Variants in GMPR2 observed in about 807,000 individuals in gnomAD.
GMPR2 encodes the protein GMP reductase 2.
A neutral mutation model predicts 38.5 loss-of-function variants in GMPR2; 32 were observed. The observed-to-expected ratio is 0.83, with a 90% CI of 0.63 to 1.12. The LOEUF is 1.12. GMPR2 is among the 50% of genes most tolerant of loss of function. The probability of loss-of-function intolerance (pLI) is 0.00; values close to 1 mark genes in which losing one functional copy is unlikely to be tolerated. For synonymous variants in GMPR2, 154 were observed against 151.0 expected (o/e 1.02, Z -0.15); for missense variants, 396 against 432.1 (o/e 0.92, Z 0.74).
In GMPR2 at chr14:24,238,723, C is replaced by G. The variant is rs1472849684; in HGVS notation, c.992C>G (p.Thr331Ser). 1.2e-6 allele frequency: 2 copies of G among 1,614,050 alleles called. No individual in the cohort carries two copies. The highest frequency in any genetic ancestry group is 3.3e-5 in the Admixed American group (2 of 60,020). Residue 331 changes from threonine (T) to serine (S), a missense_variant, in exon 10 of 10, where the codon ACT becomes AGT. Transcript: ENST00000399440. ...AAKLKELSRR[T>S]TFIRVTQQVN... is the part of the protein sequence containing the mutation. The stretch of plus-strand genomic sequence containing the variant: ...AAGCTCAAAGAGTTGAGCAGGAGAA[C>G]TACCTTCATCCGAGTCACCCAGCAG...
chr14:24,233,405 G>A, intron 2 of GMPR2, 65 bp downstream of exon 2: 2 of 1,609,458 alleles, frequency 1.2e-6, no homozygotes, highest in Non-Finnish European at 1.7e-6. Context: ...AACCAAGAAA[G>A]ATGCCTGTCC....
In GMPR2 at chr14:24,236,118, G is replaced by A. The variant is rs760497149; in HGVS notation, c.443G>A (p.Arg148His). 28 of 1,613,958 alleles carry A rather than the reference G, an allele frequency of 1.7e-5. No homozygotes were observed. The highest frequency in any genetic ancestry group is 1.7e-4 in the Middle Eastern group (1 of 6,060). ...GAATTTGTAAAAGATGTACGGAAGC[G>A]CTTCCCCCAGCACACCATCATGGTA... ...FVEFVKDVRK[R>H]FPQHTIMAGN... Residue 148 changes from arginine (R) to histidine (H), a missense_variant, in exon 5 of 10, where the codon CGC becomes CAC. Coordinates refer to ENST00000399440, the MANE Select transcript of GMPR2 (RefSeq NM_001002002.3).
rs1252089444 is a variant in GMPR2, at chr14:24,238,865, C to G, written c.*87C>G. The G allele has an allele frequency of 1.0e-5, 11 of 1,071,984 alleles. No individual in the cohort carries two copies. The highest frequency in any genetic ancestry group is 1.6e-5 in the Non-Finnish European group (11 of 709,092). 66.4% of individuals were successfully genotyped at this position (1,071,984 alleles called of 1,614,324 possible). Reference sequence around the variant, plus strand: ...TCCTCACCCATCCCAGCTACTGCAGCTCTGTATTACTTTGTCATTTCCTGT... The same window carrying G: ...TCCTCACCCATCCCAGCTACTGCAGGTCTGTATTACTTTGTCATTTCCTGT... On this transcript the variant is annotated 3_prime_UTR_variant, in exon 10 of 10. Coordinates refer to ENST00000399440, the MANE Select transcript of GMPR2 (RefSeq NM_001002002.3).
Position 24,233,483 on chromosome 14 carries a change from A to G in GMPR2, c.92A>G (p.Asp31Gly), listed in dbSNP as rs751647144. Residue 31 changes from aspartate (D) to glycine (G), a missense_variant, in exon 3 of 10, where the codon GAT (aspartate) becomes GGT (glycine). Transcript: ENST00000399440. Reference protein sequence around the residue: ...RSTLKSRSEVDLTRSFSFRNS... With the variant: ...RSTLKSRSEVGLTRSFSFRNS... ...ATTTCCTGTTCATATCTGCAGGTGG[A>G]TCTCACAAGATCCTTTTCATTTCGG... The G allele has an allele frequency of 6.2e-7, 1 of 1,613,584 alleles. No individual in the cohort carries two copies. Among genetic ancestry groups the G allele is most frequent in the African/African-American group, 1.3e-5 (1 of 74,868 alleles).
chr14:24,234,087 T>A (rs977185250), intron 3 of GMPR2: 10 of 1,288,034 alleles, frequency 7.8e-6, no homozygotes, highest in South Asian at 3.7e-5. Flanking sequence ...ATTCTTTTTT[T>A]AATCTTCCTC....
intron 5 of GMPR2, among the ~76,000 whole-genome samples, chr14:24,236,620 G>A (rs2040357189): frequency 6.6e-6 from 1 of 152,176 alleles, no homozygotes; most frequent in Admixed American, 6.5e-5. Flanking sequence ...TTTCCCTGAA[G>A]CCAGACAGGT....
intron 3 of GMPR2, among the ~76,000 whole-genome samples, chr14:24,235,168 T>G (rs756613963): frequency 6.6e-6 from 1 of 152,228 alleles, no homozygotes; most frequent in South Asian, 2.1e-4. Context: ...TTTAGCTTGA[T>G]CCATGTCCCC....
upstream of GMPR2, chr14:24,232,811 C>G: frequency 4.1e-6 from 1 of 242,542 alleles, no homozygotes; most frequent in Non-Finnish European, 8.2e-6. Context: ...GCAAGGTGGT[C>G]TTTGGTCAAC....
chr14:24,238,744 A>G lies in GMPR2; in HGVS notation c.1013A>G (p.Gln338Arg), dbSNP rs1382356335. The G allele has an allele frequency of 6.2e-7, 1 of 1,613,876 alleles. No individual in the cohort carries two copies. Among genetic ancestry groups the G allele is most frequent in the East Asian group, 2.2e-5 (1 of 44,884 alleles). ...SRRTTFIRVT[Q>R]QVNPIFSEAC ...AGAACTACCTTCATCCGAGTCACCC[A>G]GCAGGTGAATCCAATCTTCAGTGAG... The change falls in exon 10 of 10, where the codon CAG becomes CGG. Residue 338 changes from glutamine to arginine, a missense_variant. Gln to Arg is a conservative substitution (Grantham distance 43). Transcript: ENST00000399440.
Position 24,238,851 on chromosome 14 carries a change from C to A in GMPR2, c.*73C>A. On this transcript the variant is annotated 3_prime_UTR_variant, in exon 10 of 10. Coordinates refer to ENST00000399440, the MANE Select transcript of GMPR2 (RefSeq NM_001002002.3). ...CATCCCAAGTGGGGTCCTCACCCAT[C>A]CCAGCTACTGCAGCTCTGTATTACT... 1 of 1,222,756 alleles carries A rather than the reference C, an allele frequency of 8.2e-7. No homozygotes were observed. The highest frequency in any genetic ancestry group is 1.2e-6 in the Non-Finnish European group (1 of 838,850). The allele number at this position is 1,222,756 out of a possible 1,614,324, so 75.7% of individuals were successfully genotyped here.
chr14:24,238,656 C>G lies in GMPR2; in HGVS notation c.925C>G (p.Leu309Val), dbSNP rs187634547. The change falls in exon 10 of 10, where the codon CTA (leucine) becomes GTA (valine). Residue 309 changes from leucine (L) to valine (V), a missense_variant. By Grantham distance (32) the Leu-to-Val change is conservative. Transcript: ENST00000399440. ...TGTGGAACATACCATCCGAGACATCCTAGGAGGGATCCGCTCTACGTGTAC... is the reference window on the plus strand; with the variant it reads ...TGTGGAACATACCATCCGAGACATCGTAGGAGGGATCCGCTCTACGTGTAC... ...GDVEHTIRDI[L>V]GGIRSTCTYV... 1.2e-4 allele frequency: 191 copies of G among 1,613,806 alleles called. 1 individual carries two copies. The African/African-American group carries it at 2.2e-3, about 18-fold the overall frequency.
In GMPR2 at chr14:24,238,775, C is replaced by G. The variant is rs2040477980; in HGVS notation, c.1044C>G (p.Cys348Trp). Residue 348 changes from cysteine (C) to tryptophan (W), a missense_variant, in exon 10 of 10, where the codon TGC becomes TGG. Physicochemically the swap from Cys to Trp is radical, Grantham distance 215. Transcript: ENST00000399440. ...TGAATCCAATCTTCAGTGAGGCGTG[C>G]TAGACCTGAGCAGTTCTACCCTCCC... ...QQVNPIFSEA[C>W] is the part of the protein sequence containing the mutation. 1 of 1,611,646 alleles carries G rather than the reference C, an allele frequency of 6.2e-7. No homozygotes were observed. Among genetic ancestry groups the G allele is most frequent in the Non-Finnish European group, 8.5e-7 (1 of 1,179,424 alleles).
At position 24,233,179 on chromosome 14, in the gene GMPR2, C is replaced by T. The variant is rs769747037; in HGVS notation, c.-35-40C>T. ...CACCAGCCGTAACAGGGCGTTAAAGCCCAGGGGAAGATTGGTCCTTATGAC... is the reference window on the plus strand; with the variant it reads ...CACCAGCCGTAACAGGGCGTTAAAGTCCAGGGGAAGATTGGTCCTTATGAC... On this transcript the variant is annotated intron_variant, in intron 1 of 9. Transcript: ENST00000399440. 22 of 1,611,986 alleles carry T rather than the reference C, an allele frequency of 1.4e-5. No homozygotes were observed. In the South Asian group the frequency reaches 2.1e-4, roughly 15 times the overall value.
At position 24,233,492 on chromosome 14, in the gene GMPR2, G is replaced by C. The variant is rs756123492; in HGVS notation, c.101G>C (p.Arg34Thr). 1.9e-6 allele frequency: 3 copies of C among 1,614,012 alleles called. No homozygotes were observed. The highest frequency in any genetic ancestry group is 3.3e-5 in the Admixed American group (2 of 60,000). ...TCATATCTGCAGGTGGATCTCACAA[G>C]ATCCTTTTCATTTCGGAACTCAAAG... ...LKSRSEVDLTRSFSFRNSKQT... is the reference protein window; with the variant it reads ...LKSRSEVDLTTSFSFRNSKQT... The change falls in exon 3 of 10, where the codon AGA becomes ACA. Residue 34 changes from arginine to threonine, a missense_variant. Physicochemically the swap from Arg to Thr is moderately conservative, Grantham distance 71. Transcript: ENST00000399440.
Position 24,235,734 on chromosome 14 carries a change from C to T in GMPR2, c.208-3C>T, listed in dbSNP as rs2040308041. The stretch of plus-strand genomic sequence containing the variant: ...TTTTGATGCTTCTTTGTCTTCTCCC[C>T]AGTTCTCTCTCTTCACTGCTGTCCA... On this transcript the variant is annotated splice_region_variant and splice_polypyrimidine_tract_variant and intron_variant, in intron 3 of 9. Coordinates refer to ENST00000399440, the MANE Select transcript of GMPR2 (RefSeq NM_001002002.3). 6.2e-7 allele frequency: 1 copy of T among 1,603,494 alleles called. No individual in the cohort carries two copies. The highest frequency in any genetic ancestry group is 8.5e-7 in the Non-Finnish European group (1 of 1,170,314).
chr14:24,234,264 T>G (rs2040230328), intron 3 of GMPR2: 1 of 1,284,658 alleles, frequency 7.8e-7, no homozygotes, highest in African/African-American at 1.5e-5. Flanking sequence ...CTGGGCACTT[T>G]GAGAACATAT....
upstream of GMPR2, chr14:24,232,833 C>G (rs2040107495): frequency 3.9e-6 from 1 of 255,702 alleles, no homozygotes; most frequent in African/African-American, 2.2e-5. Context: ...GCCGCCTGGA[C>G]CAAGGCAACA....
chr14:24,238,384 C>T lies in GMPR2; in HGVS notation c.836C>T (p.Ala279Val), dbSNP rs2138983257. 1 of 1,613,986 alleles carries T rather than the reference C, an allele frequency of 6.2e-7. No individual in the cohort carries two copies. Among genetic ancestry groups the T allele is most frequent in the Admixed American group, 1.7e-5 (1 of 59,998 alleles). Reference protein sequence around the residue: ...MSSEMAMKKYAGGVAEYRASE... With the variant: ...MSSEMAMKKYVGGVAEYRASE... ...TCTGAAATGGCCATGAAGAAGTATG[C>T]TGGGGGCGTGGCTGAGTACAGGTAT... The change falls in exon 9 of 10, where the codon GCT (alanine) becomes GTT (valine). Residue 279 changes from alanine (A) to valine (V), a missense_variant. Ala to Val is a moderately conservative substitution (Grantham distance 64). Transcript: ENST00000399440.
rs1277328883 is a variant in GMPR2 at position 24,237,319 on chromosome 14, G to C, written c.622G>C (p.Ala208Pro). 6.2e-7 allele frequency: 1 copy of C among 1,610,408 alleles called. No individual in the cohort carries two copies. Among genetic ancestry groups the C allele is most frequent in the Non-Finnish European group, 8.5e-7 (1 of 1,176,538 alleles). ...QLSAVMECAD[A>P]AHGLKGHIIS... ...CAGCGCAGTGATGGAGTGTGCAGATGCTGCTCATGGCCTCAAAGGCCACAT... is the reference window on the plus strand; with the variant it reads ...CAGCGCAGTGATGGAGTGTGCAGATCCTGCTCATGGCCTCAAAGGCCACAT... Residue 208 changes from alanine (A) to proline (P), a missense_variant, in exon 7 of 10, where the codon GCT (alanine) becomes CCT (proline). By Grantham distance (27) the Ala-to-Pro change is conservative (BLOSUM62 -1). Transcript: ENST00000399440.
Sources: gnomAD v4.1 joint callset for allele counts (sites outside exome capture counted in the v4.1 genomes callset) on GRCh38, gnomAD v4.1.1 for gene constraint, MANE v1.5 for transcripts, NCBI Gene and HGNC (gene_info 2026-07-23, HGNC 2026-07-21) for gene names.